DMD: variants seen among roughly 807,000 people sequenced by gnomAD.
The protein encoded by DMD is mutant dystrophin.
A neutral mutation model predicts 330.1 loss-of-function variants in DMD; 63 were observed. The ratio of observed to expected loss-of-function variants is 0.19; its 90% CI spans 0.16 to 0.24. The LOEUF is 0.24. Among genes scored for constraint, DMD ranks in the 10% least tolerant of loss-of-function variants. The pLI, the probability that DMD is intolerant of heterozygous loss-of-function variation, is 1.00. For synonymous variants in DMD, 1,223 were observed against 959.8 expected (o/e 1.27, Z -5.07); for missense variants, 3,344 against 2,684.1 (o/e 1.25, Z -5.43).
At chrX:31,217,416 C>A (rs1336036685) in intron 64 of DMD, among the ~76,000 whole-genome samples, 1 of 110,999 alleles carries the variant, frequency 9.0e-6, no homozygotes, top group African/African-American at 3.3e-5. Flanking sequence ...AATACGGAAA[C>A]ATTGATAGGG....
chrX:31,410,919 GTGTTTTTTTTTT>G (rs1324748525), intron 60 of DMD, among the ~76,000 whole-genome samples: 1 of 85,995 alleles, frequency 1.2e-5, no homozygotes, highest in Non-Finnish European at 2.1e-5. Flanking sequence ...TTCTGTGTGT[GTGTTTTTTTTTT>G]TTTTTTTTTT....
At chrX:32,056,997 T>C (rs1775905660) in intron 44 of DMD, among the ~76,000 whole-genome samples, 1 of 111,282 alleles carries the variant, frequency 9.0e-6, no homozygotes, top group African/African-American at 3.3e-5. Flanking sequence ...TACACAACAT[T>C]AACAGAACAA....
chrX:32,850,069 A>C (rs2081013271), intron 2 of DMD, among the ~76,000 whole-genome samples: 1 of 112,222 alleles, frequency 8.9e-6, no homozygotes, highest in African/African-American at 3.2e-5. Flanking sequence ...TAAATGATCT[A>C]ATTAATTCAC....
chrX:32,624,839 C>T (rs1407282261), intron 11 of DMD, among the ~76,000 whole-genome samples: 1 of 112,169 alleles, frequency 8.9e-6, no homozygotes, highest in Non-Finnish European at 1.9e-5. Context: ...TAAAGGAATT[C>T]AATGGGAATG....
chrX:32,370,288 G>A (rs1445468160), intron 34 of DMD, among the ~76,000 whole-genome samples: 5 of 105,137 alleles, frequency 4.8e-5, no homozygotes, highest in African/African-American at 1.4e-4. Flanking sequence ...AATCTAACAT[G>A]TCTTAAACAT....
Position 32,565,735 on chromosome X carries a change from A to C in DMD, c.1959T>G (p.Asn653Lys). 2.5e-6 allele frequency: 3 copies of C among 1,211,689 alleles called. No individual in the cohort carries two copies. Among genetic ancestry groups the C allele is most frequent in the African/African-American group, 1.7e-5 (1 of 57,791 alleles). ...TACTCTTTTCAAGTTTTTGGACTAA[A>C]TTATCCCAACACCGGGCAAAGTTAT... is the stretch of plus-strand genomic sequence containing the variant. Reference protein sequence around the residue: ...WLDNFARCWDNLVQKLEKSTA... With the variant: ...WLDNFARCWDKLVQKLEKSTA... The change falls in exon 16 of 79, where the codon AAT (asparagine) becomes AAG (lysine). Residue 653 changes from asparagine to lysine, a missense_variant. Asn to Lys is a moderately conservative substitution (Grantham distance 94, BLOSUM62 0). Transcript: ENST00000357033.
chrX:32,233,213 C>T (rs980378765), intron 43 of DMD, among the ~76,000 whole-genome samples: 6 of 111,832 alleles, frequency 5.4e-5, no homozygotes, highest in African/African-American at 2.0e-4. Context: ...TGTACTTGCT[C>T]CATGCACTTC....
At chrX:31,981,655 C>T (rs1237310728) in intron 44 of DMD, among the ~76,000 whole-genome samples, 2 of 111,255 alleles carry the variant, frequency 1.8e-5, no homozygotes, top group African/African-American at 3.3e-5. Context: ...GGGATAGAGA[C>T]GACACAGAAA....
chrX:32,836,307 C>T (rs763429607), intron 4 of DMD, among the ~76,000 whole-genome samples: 1 of 110,638 alleles, frequency 9.0e-6, no homozygotes, highest in African/African-American at 3.3e-5. Context: ...GCTGGGATTA[C>T]AGGTGTGAGC....
chrX:31,234,491 T>G (rs1159139943), intron 63 of DMD, among the ~76,000 whole-genome samples: 1 of 112,521 alleles, frequency 8.9e-6, no homozygotes, highest in Non-Finnish European at 1.9e-5. Flanking sequence ...CCAAAATCCA[T>G]GAGTCTCCTG....
intron 21 of DMD, among the ~76,000 whole-genome samples, chrX:32,476,464 G>A (rs1342348582): frequency 9.0e-6 from 1 of 110,986 alleles, no homozygotes; most frequent in Non-Finnish European, 1.9e-5. Flanking sequence ...ATTGGTTTGG[G>A]AACTTGTCCA....
At chrX:31,889,611 T>C (rs1180756038) in intron 47 of DMD, among the ~76,000 whole-genome samples, 1 of 69,267 alleles carries the variant, frequency 1.4e-5, no homozygotes, top group Non-Finnish European at 2.7e-5. Flanking sequence ...TAATTTAATC[T>C]CTCTCTCTGT....
At chrX:32,731,203 C>T (rs182540103) in intron 7 of DMD, among the ~76,000 whole-genome samples, 18 of 112,153 alleles carry the variant, frequency 1.6e-4, no homozygotes, top group Non-Finnish European at 2.6e-4. Context: ...GTGTTTCCGA[C>T]GGGCTTAAAA....
intron 1 of DMD, among the ~76,000 whole-genome samples, chrX:33,255,147 A>G (rs1351656029): frequency 1.8e-5 from 2 of 111,044 alleles, no homozygotes; most frequent in African/African-American, 6.5e-5. Flanking sequence ...TTTACCAACT[A>G]TCAAGAAAAA....
chrX:31,198,206 T>A (rs760955640), intron 67 of DMD, among the ~76,000 whole-genome samples: 1 of 110,749 alleles, frequency 9.0e-6, no homozygotes, highest in African/African-American at 3.3e-5. Flanking sequence ...TAGTAATCAA[T>A]ATATTTTTAA....
intron 43 of DMD, among the ~76,000 whole-genome samples, chrX:32,236,459 G>C (rs2097188118): frequency 8.9e-6 from 1 of 111,798 alleles, no homozygotes; most frequent in African/African-American, 3.3e-5. Context: ...ATCTCACTTA[G>C]TACGATATGG....
At chrX:31,133,262 G>T (rs2034750644) in intron 77 of DMD, among the ~76,000 whole-genome samples, 1 of 111,808 alleles carries the variant, frequency 8.9e-6, no homozygotes, top group Non-Finnish European at 1.9e-5. Flanking sequence ...GTTTCTCTAG[G>T]CTTTTCTTCT....
intron 52 of DMD, 77 bp downstream of exon 52, chrX:31,729,554 G>A (rs1747659152): frequency 1.4e-6 from 1 of 694,870 alleles, no homozygotes; most frequent in South Asian, 2.1e-5. Flanking sequence ...ATGTGAGGGG[G>A]ATATATGAAC....
At chrX:33,015,690 C>A (rs943168604) in intron 2 of DMD, among the ~76,000 whole-genome samples, 3 of 111,147 alleles carry the variant, frequency 2.7e-5, no homozygotes, top group African/African-American at 9.8e-5. Flanking sequence ...GAAAGGCTAC[C>A]TTACTGACTC....
Sources: allele counts gnomAD v4.1 joint callset (sites outside exome capture counted in the v4.1 genomes callset), GRCh38; gene constraint gnomAD v4.1.1; transcripts MANE v1.5; gene names NCBI Gene and HGNC (gene_info 2026-07-23, HGNC 2026-07-21).